DERL1: variants seen among roughly 807,000 people sequenced by gnomAD.
DERL1 encodes derlin 1, also known as derlin-1.
Under a neutral mutation model 41.6 loss-of-function variants are expected in DERL1, and 24 were observed. That is an observed-to-expected ratio of 0.58 (90% CI 0.42 to 0.81). The LOEUF (loss-of-function observed/expected upper bound fraction) is 0.81. Among genes scored for constraint, DERL1 ranks in the 30% least tolerant of loss-of-function variants. The pLI is 0.00. For missense variants in DERL1, 260 were observed against 314.3 expected (o/e 0.83, Z 1.31); for synonymous variants, 124 against 112.5 (o/e 1.10, Z -0.65).
At chr8:123,032,560 G>T (rs1812839674) in intron 1 of DERL1, among the ~76,000 whole-genome samples, 1 of 152,184 alleles carries the variant, frequency 6.6e-6, no homozygotes, top group Non-Finnish European at 1.5e-5. Flanking sequence ...GTAGGCATAT[G>T]TATCCATGAT....
At chr8:123,028,378 G>T (rs1430529632) in intron 2 of DERL1, among the ~76,000 whole-genome samples, 1 of 152,166 alleles carries the variant, frequency 6.6e-6, no homozygotes, top group Non-Finnish European at 1.5e-5. Flanking sequence ...GTCACCAAAG[G>T]ACATATGAAA....
At chr8:123,035,868 A>T (rs938664189) in intron 1 of DERL1, among the ~76,000 whole-genome samples, 9 of 150,056 alleles carry the variant, frequency 6.0e-5, no homozygotes, top group Admixed American at 1.3e-4. Flanking sequence ...TTTTTTTTTT[A>T]AAGTATGAAA....
At chr8:123,024,954 T>C (rs769033087) in intron 3 of DERL1, 32 bp downstream of exon 3, 3 of 1,606,082 alleles carry the variant, frequency 1.9e-6, no homozygotes, top group African/African-American at 1.3e-5. Context: ...AACTGGTTTA[T>C]TTCTGGCCCA....
At position 123,030,698 on chromosome 8, in the gene DERL1, C is replaced by T. The variant is rs778955625; in HGVS notation, c.172G>A (p.Ala58Thr). ...YRFQIWRPIT[A>T]TFYFPVGPGT... is the part of the protein sequence containing the mutation. ...GGACCCACAGGGAAATAAAAGGTGGCAGTGATTGGCCTCCAAATCTGTCCA... is the reference window on the plus strand; with the variant it reads ...GGACCCACAGGGAAATAAAAGGTGGTAGTGATTGGCCTCCAAATCTGTCCA... The change falls in exon 2 of 8, where the codon GCC (alanine) becomes ACC (threonine). Residue 58 changes from alanine to threonine, a missense_variant. Transcript: ENST00000259512. The T allele has an allele frequency of 1.2e-6, 2 of 1,612,140 alleles. No individual in the cohort carries two copies. The highest frequency in any genetic ancestry group is 2.2e-5 in the South Asian group (2 of 90,622).
At chr8:123,029,281 T>C (rs1210635923) in intron 2 of DERL1, among the ~76,000 whole-genome samples, 1 of 152,152 alleles carries the variant, frequency 6.6e-6, no homozygotes, top group Non-Finnish European at 1.5e-5. Context: ...CTTCCTTGAA[T>C]CTCCTATTCA....
intron 1 of DERL1, among the ~76,000 whole-genome samples, chr8:123,035,442 C>A (rs1156920477): frequency 6.6e-6 from 1 of 152,168 alleles, no homozygotes; most frequent in Non-Finnish European, 1.5e-5. Flanking sequence ...GGAGAAGGAA[C>A]TGGCTTTACG....
chr8:123,020,828 T>G, intron 6 of DERL1, among the ~76,000 whole-genome samples: 1 of 145,602 alleles, frequency 6.9e-6, no homozygotes, highest in South Asian at 2.2e-4. Context: ...TAGCCGGGCA[T>G]GGAGGCGGGC....
chr8:123,039,326 G>A (rs996968081), intron 1 of DERL1, among the ~76,000 whole-genome samples: 4 of 152,172 alleles, frequency 2.6e-5, no homozygotes, highest in Non-Finnish European at 5.9e-5. Flanking sequence ...AGACTTCATA[G>A]TGCCCTCAAA....
chr8:123,035,377 T>C (rs1407215716), intron 1 of DERL1, among the ~76,000 whole-genome samples: 1 of 152,220 alleles, frequency 6.6e-6, no homozygotes, highest in Non-Finnish European at 1.5e-5. Context: ...GAAATCCCCA[T>C]TGTAAGTATC....
chr8:123,035,686 C>T (rs968228775), intron 1 of DERL1, among the ~76,000 whole-genome samples: 1 of 152,198 alleles, frequency 6.6e-6, no homozygotes, highest in Middle Eastern at 3.2e-3. Flanking sequence ...CCTCACTTAA[C>T]AAGGACATGT....
chr8:123,038,630 A>G (rs1812981651), intron 1 of DERL1, among the ~76,000 whole-genome samples: 1 of 152,204 alleles, frequency 6.6e-6, no homozygotes, highest in Non-Finnish European at 1.5e-5. Context: ...GTGCTTATTT[A>G]CATCGTGTAG....
At chr8:123,031,016 A>G (rs962683305) in intron 1 of DERL1, among the ~76,000 whole-genome samples, 1 of 152,260 alleles carries the variant, frequency 6.6e-6, no homozygotes, top group East Asian at 1.9e-4. Flanking sequence ...CAGGCATACA[A>G]TTAAGCCTAC....
At chr8:123,015,651 G>C (rs1814548622) in intron 7 of DERL1, 66 bp from the exon 8 acceptor site, 1 of 1,516,560 alleles carries the variant, frequency 6.6e-7, no homozygotes, top group Non-Finnish European at 8.8e-7. Flanking sequence ...ATAGTTATCT[G>C]ACCTCCGAGA....
At chr8:123,031,643 A>T (rs1432853289) in intron 1 of DERL1, among the ~76,000 whole-genome samples, 1 of 152,192 alleles carries the variant, frequency 6.6e-6, no homozygotes, top group Non-Finnish European at 1.5e-5. Flanking sequence ...ACAACAGCTG[A>T]TCAGTGTCTT....
chr8:123,041,231 C>T (rs1398067446), intron 1 of DERL1, among the ~76,000 whole-genome samples: 1 of 152,186 alleles, frequency 6.6e-6, no homozygotes, highest in East Asian at 1.9e-4. Flanking sequence ...GAAATTAATG[C>T]CAGATCTTGC....
intron 3 of DERL1, among the ~76,000 whole-genome samples, chr8:123,024,705 A>C (rs569979137): frequency 1.3e-5 from 2 of 152,352 alleles, no homozygotes; most frequent in South Asian, 2.1e-4. Flanking sequence ...ACAAGCTGTC[A>C]CACATGAGAA....
intron 1 of DERL1, 135 bp from the exon 2 acceptor site, chr8:123,030,851 A>G: frequency 3.1e-6 from 2 of 646,826 alleles, no homozygotes; most frequent in East Asian, 2.9e-5. Flanking sequence ...ACAACTCAAG[A>G]AAACAACTGA....
intron 2 of DERL1, among the ~76,000 whole-genome samples, chr8:123,029,731 CTT>C (rs1812779554): frequency 1.3e-5 from 2 of 152,262 alleles, no homozygotes; most frequent in South Asian, 4.1e-4. Context: ...CAGTAAGACA[CTT>C]TTACGAAAAG....
At position 123,015,591 on chromosome 8, in the gene DERL1, G is replaced by A. The variant is rs758357979; in HGVS notation, c.618-6C>T. On this transcript the variant is annotated splice_polypyrimidine_tract_variant and splice_region_variant and intron_variant, in intron 7 of 7. Transcript: ENST00000259512. ...TACTGGGCAGCCAGCGGTACCTGGT[G>A]CAGAAAGACGGGGACACAAACGGAG... The A allele has an allele frequency of 6.2e-7, 1 of 1,606,052 alleles. No homozygotes were observed. Among genetic ancestry groups the A allele is most frequent in the Non-Finnish European group, 8.5e-7 (1 of 1,175,994 alleles).
Sources: gnomAD v4.1 joint callset for allele counts (sites outside exome capture counted in the v4.1 genomes callset) on GRCh38, gnomAD v4.1.1 for gene constraint, MANE v1.5 for transcripts, NCBI Gene and HGNC (gene_info 2026-07-23, HGNC 2026-07-21) for gene names.